Variants in TMEM178B observed in about 807,000 individuals in gnomAD.
TMEM178B encodes the protein transmembrane protein 178B.
A neutral mutation model predicts 31.0 loss-of-function variants in TMEM178B; 5 were observed. The observed-to-expected ratio is 0.16, with a 90% confidence interval of 0.08 to 0.34. TMEM178B has a LOEUF of 0.34. Among genes scored for constraint, TMEM178B ranks in the 10% least tolerant of loss-of-function variants. TMEM178B has a pLI of 1.00. For synonymous variants in TMEM178B, 164 were observed against 164.0 expected (o/e 1.00, Z 0.00); for missense variants, 275 against 400.3 (o/e 0.69, Z 2.67).
At chr7:141,485,563 A>G in the TMEM178B span, among the ~76,000 whole-genome samples, 6 of 152,376 alleles carry the variant, frequency 3.9e-5, no homozygotes, top group African/African-American at 7.2e-5. Flanking sequence ...AAATAGTTTA[A>G]AATGTCAATG....
intron 2 of TMEM178B, among the ~76,000 whole-genome samples, chr7:141,428,731 G>A (rs887280425): frequency 6.6e-6 from 1 of 152,210 alleles, no homozygotes; most frequent in South Asian, 2.1e-4. Context: ...TAAGGGCCAA[G>A]CAGGGCACTT....
chr7:141,444,548 C>CT (rs1227425443), intron 3 of TMEM178B, among the ~76,000 whole-genome samples: 1 of 152,124 alleles, frequency 6.6e-6, no homozygotes, highest in East Asian at 1.9e-4. Context: ...ATCTCAAATT[C>CT]TTTTTGGAGA....
chr7:141,290,962 T>C (rs1050756428), intron 2 of TMEM178B, among the ~76,000 whole-genome samples: 2 of 152,318 alleles, frequency 1.3e-5, no homozygotes, highest in Non-Finnish European at 2.9e-5. Context: ...CACCTACCCA[T>C]CGCTGGCTGG....
At chr7:141,272,713 G>A (rs1316669807) in intron 2 of TMEM178B, among the ~76,000 whole-genome samples, 1 of 152,200 alleles carries the variant, frequency 6.6e-6, no homozygotes, top group African/African-American at 2.4e-5. Context: ...TCCACCCTGA[G>A]CAGTGTAGGC....
intron 2 of TMEM178B, among the ~76,000 whole-genome samples, chr7:141,321,275 T>C (rs1799093776): frequency 6.6e-6 from 1 of 152,210 alleles, no homozygotes; most frequent in South Asian, 2.1e-4. Context: ...TCCTGTAAAA[T>C]TGGGCATACC....
intron 1 of TMEM178B, among the ~76,000 whole-genome samples, chr7:141,082,221 A>G (rs1794697979): frequency 1.3e-5 from 2 of 152,194 alleles, no homozygotes; most frequent in Admixed American, 6.5e-5. Context: ...AGTTCCATAC[A>G]AGGAGGCTTT....
intron 1 of TMEM178B, among the ~76,000 whole-genome samples, chr7:141,096,765 G>C (rs79954827): frequency 1.3e-4 from 20 of 152,274 alleles, no homozygotes; most frequent in Admixed American, 2.0e-4. Context: ...CCCAAAAGGG[G>C]ATCATGGGAA....
chr7:141,147,058 G>A (rs1795864384), intron 1 of TMEM178B, among the ~76,000 whole-genome samples: 1 of 152,198 alleles, frequency 6.6e-6, no homozygotes. Flanking sequence ...GAATGTATAA[G>A]AGTGGATATC....
intron 3 of TMEM178B, among the ~76,000 whole-genome samples, chr7:141,467,010 C>T (rs1802157231): frequency 6.6e-6 from 1 of 152,074 alleles, no homozygotes; most frequent in Non-Finnish European, 1.5e-5. Flanking sequence ...CTGTGTCCTA[C>T]AGGCTGCCTC....
At chr7:141,491,750 C>T in the TMEM178B span, among the ~76,000 whole-genome samples, 1 of 152,206 alleles carries the variant, frequency 6.6e-6, no homozygotes, top group Non-Finnish European at 1.5e-5. Flanking sequence ...ATCTTAACCA[C>T]TTTGTTTTAT....
intron 1 of TMEM178B, among the ~76,000 whole-genome samples, chr7:141,140,276 T>C (rs1795749591): frequency 6.6e-6 from 1 of 152,186 alleles, no homozygotes; most frequent in Non-Finnish European, 1.5e-5. Context: ...CTTTCTCCTC[T>C]CCTTACACGA....
At chr7:141,399,868 A>G (rs1800729196) in intron 2 of TMEM178B, among the ~76,000 whole-genome samples, 2 of 151,888 alleles carry the variant, frequency 1.3e-5, no homozygotes. Context: ...GGGTCTTGAA[A>G]TTTTCATTGC....
chr7:141,444,688 T>C (rs763809143), intron 3 of TMEM178B, among the ~76,000 whole-genome samples: 83 of 152,258 alleles, frequency 5.5e-4, no homozygotes, highest in Non-Finnish European at 1.0e-3. Flanking sequence ...AAAGTAGTCA[T>C]GTCAAGTTGT....
intron 3 of TMEM178B, among the ~76,000 whole-genome samples, chr7:141,464,346 A>T (rs1366933296): frequency 1.3e-5 from 2 of 152,020 alleles, no homozygotes; most frequent in Non-Finnish European, 2.9e-5. Context: ...CTTCCTAGAG[A>T]CTTCTAGACT....
chr7:141,283,699 C>T (rs1283843761), intron 2 of TMEM178B, among the ~76,000 whole-genome samples: 1 of 152,156 alleles, frequency 6.6e-6, no homozygotes, highest in Non-Finnish European at 1.5e-5. Flanking sequence ...GCTTTCTTAC[C>T]ATCTATCACT....
At chr7:141,095,798 G>T (rs1334713364) in intron 1 of TMEM178B, among the ~76,000 whole-genome samples, 1 of 152,226 alleles carries the variant, frequency 6.6e-6, no homozygotes, top group Non-Finnish European at 1.5e-5. Flanking sequence ...CTAATAAAGA[G>T]TGGAAGCAGA....
intron 2 of TMEM178B, among the ~76,000 whole-genome samples, chr7:141,231,033 C>T (rs13236601): frequency 0.056 from 8,522 of 152,186 alleles, 315 homozygotes; most frequent in East Asian, 0.14. Flanking sequence ...AGCCACCAAG[C>T]CCTAAGTGAT....
At position 141,461,242 on chromosome 7, in the gene TMEM178B, G is replaced by A. The variant is rs1031948658; in HGVS notation, c.635-9294G>A. 9.9e-5 allele frequency among the ~76,000 whole-genome samples: 15 copies of A among 152,220 alleles called. No homozygotes were observed. Among genetic ancestry groups the A allele is most frequent in the African/African-American group, 3.6e-4 (15 of 41,454 alleles). The stretch of plus-strand genomic sequence containing the variant: ...TCTGACCTCCCTGATACACAGCCAC[G>A]TGGGTGTTTCTGCAGAGCCTGCCTT... On this transcript the variant is annotated intron_variant, in intron 3 of 3. Transcript: ENST00000565468. The surrounding 1 kb of genome is among the most constrained non-coding windows in gnomAD (Gnocchi z 4.0).
chr7:141,234,275 G>A (rs1797492989), intron 2 of TMEM178B, among the ~76,000 whole-genome samples: 1 of 152,174 alleles, frequency 6.6e-6, no homozygotes, highest in Non-Finnish European at 1.5e-5. Context: ...TGAAACATGG[G>A]GAGGAGAGAT....
Sources: allele counts gnomAD v4.1 joint callset (sites outside exome capture counted in the v4.1 genomes callset), GRCh38; gene constraint gnomAD v4.1.1; non-coding constraint Gnocchi (gnomAD v3.1); transcripts MANE v1.5; gene names NCBI Gene and HGNC (gene_info 2026-07-23, HGNC 2026-07-21).